Variants in SHLD2 observed in about 807,000 individuals in gnomAD.
SHLD2 encodes shieldin complex subunit 2.
In SHLD2, 30 loss-of-function variants were observed where a neutral mutation model predicts 73.2. That is an observed-to-expected ratio of 0.41 (90% CI 0.31 to 0.56). The LOEUF is 0.56. Ranked by LOEUF, SHLD2 falls within the 20% of genes least tolerant of loss-of-function variation. The probability of loss-of-function intolerance (pLI) is 0.28; values close to 1 mark genes in which losing one functional copy is unlikely to be tolerated. For missense variants in SHLD2, 745 were observed against 1,055.9 expected (o/e 0.71, Z 4.08); for synonymous variants, 285 against 370.1 (o/e 0.77, Z 2.64).
intron 8 of SHLD2, among the ~76,000 whole-genome samples, chr10:87,184,729 C>T (rs2134741235): frequency 6.6e-6 from 1 of 152,208 alleles, no homozygotes; most frequent in Middle Eastern, 3.4e-3. Flanking sequence ...GATTTTTCTC[C>T]TTAGGATGTT....
intron 2 of SHLD2, among the ~76,000 whole-genome samples, chr10:87,109,637 A>G (rs1197177075): frequency 6.6e-6 from 1 of 152,168 alleles, no homozygotes; most frequent in Non-Finnish European, 1.5e-5. Flanking sequence ...ACAGGAGGCA[A>G]AAATTCTAAA....
intron 2 of SHLD2, among the ~76,000 whole-genome samples, chr10:87,122,163 C>T (rs1156342023): frequency 8.1e-6 from 1 of 122,838 alleles, no homozygotes; most frequent in African/African-American, 3.6e-5. Context: ...TGTCTTTCTC[C>T]ACTGACTGTC....
At chr10:87,190,348 C>A in intron 9 of SHLD2, 136 bp from the exon 10 acceptor site, 2 of 781,516 alleles carry the variant, frequency 2.6e-6, no homozygotes, top group Admixed American at 2.1e-5. Flanking sequence ...TGTGAGCCAC[C>A]GCTACTGGAC....
At chr10:87,140,412 C>A (rs1188191035) in intron 2 of SHLD2, among the ~76,000 whole-genome samples, 25 of 136,566 alleles carry the variant, frequency 1.8e-4, no homozygotes, top group African/African-American at 6.9e-4. Flanking sequence ...AGAGTGAGAA[C>A]CTATCTCAAA....
At chr10:87,107,107 A>AG (rs766089390) in intron 2 of SHLD2, among the ~76,000 whole-genome samples, 15 of 146,424 alleles carry the variant, frequency 1.0e-4, no homozygotes, top group African/African-American at 2.3e-4. Flanking sequence ...AAAAAAAAAA[A>AG]AGAGATTTAA....
intron 6 of SHLD2, among the ~76,000 whole-genome samples, chr10:87,175,065 C>T (rs1589647692): frequency 6.7e-6 from 1 of 149,066 alleles, no homozygotes; most frequent in Non-Finnish European, 1.5e-5. Flanking sequence ...TGCAGTGAGC[C>T]GAGATTGCGC....
chr10:87,187,967 G>A (rs1459288897), intron 9 of SHLD2, among the ~76,000 whole-genome samples: 1 of 152,058 alleles, frequency 6.6e-6, no homozygotes, highest in African/African-American at 2.4e-5. Context: ...TGTGCTTATG[G>A]TGGGAAGTGG....
intron 7 of SHLD2, among the ~76,000 whole-genome samples, chr10:87,178,648 T>C (rs1223154429): frequency 6.6e-6 from 1 of 151,170 alleles, no homozygotes; most frequent in Non-Finnish European, 1.5e-5. Context: ...CCCAGGGAGG[T>C]TGAGACTGCA....
chr10:87,157,710 C>A (rs950928975), intron 3 of SHLD2, among the ~76,000 whole-genome samples: 5 of 152,148 alleles, frequency 3.3e-5, no homozygotes, highest in Non-Finnish European at 5.9e-5. Flanking sequence ...CACTACTTTG[C>A]CTTCTGGTCC....
At chr10:87,097,642 G>A (rs564772734) in intron 2 of SHLD2, among the ~76,000 whole-genome samples, 1 of 152,298 alleles carries the variant, frequency 6.6e-6, no homozygotes, top group South Asian at 2.1e-4. Flanking sequence ...GAGGAATAGA[G>A]CTGTGGAAAT....
intron 2 of SHLD2, among the ~76,000 whole-genome samples, chr10:87,126,726 A>G (rs1844036335): frequency 6.6e-6 from 1 of 152,164 alleles, no homozygotes; most frequent in South Asian, 2.1e-4. Flanking sequence ...TCCGTGGAAT[A>G]GCTGCGTACA....
chr10:87,116,773 C>A (rs1281455805), intron 2 of SHLD2, among the ~76,000 whole-genome samples: 1 of 152,214 alleles, frequency 6.6e-6, no homozygotes, highest in Non-Finnish European at 1.5e-5. Context: ...TCCTCCTTCT[C>A]TCAGGGCTCA....
intron 2 of SHLD2, among the ~76,000 whole-genome samples, chr10:87,127,524 T>TCC (rs1844092990): frequency 5.2e-5 from 3 of 57,190 alleles, no homozygotes; most frequent in African/African-American, 2.9e-4. Flanking sequence ...TTGTCCCTCT[T>TCC]ACCCGCCCCC....
At chr10:87,128,853 T>C (rs1328716876) in intron 2 of SHLD2, among the ~76,000 whole-genome samples, 2 of 152,166 alleles carry the variant, frequency 1.3e-5, no homozygotes, top group Non-Finnish European at 2.9e-5. Flanking sequence ...GTTTTTTTGT[T>C]GTTGTTTTTG....
At chr10:87,097,903 G>A (rs1484997350) in intron 2 of SHLD2, among the ~76,000 whole-genome samples, 1 of 151,870 alleles carries the variant, frequency 6.6e-6, no homozygotes, top group Non-Finnish European at 1.5e-5. Flanking sequence ...GGGATTACAG[G>A]CGCCCGCCAC....
At chr10:87,107,107 A>AAAAAAAAG (rs56386341) in intron 2 of SHLD2, among the ~76,000 whole-genome samples, 9,412 of 146,004 alleles carry the variant, frequency 0.064, 447 homozygotes, top group Non-Finnish European at 0.088. Flanking sequence ...AAAAAAAAAA[A>AAAAAAAAG]AGAGATTTAA....
intron 4 of SHLD2, among the ~76,000 whole-genome samples, chr10:87,165,649 T>C (rs1233010223): frequency 2.6e-5 from 4 of 152,158 alleles, no homozygotes; most frequent in Non-Finnish European, 5.9e-5. Context: ...GAAACTCTTA[T>C]AGACTAGAGG....
chr10:87,098,311 C>T (rs1241455953), intron 2 of SHLD2, among the ~76,000 whole-genome samples: 3 of 151,602 alleles, frequency 2.0e-5, no homozygotes, highest in Admixed American at 6.6e-5. Flanking sequence ...GTTGGGAGTT[C>T]GAGACCAGCC....
intron 6 of SHLD2, among the ~76,000 whole-genome samples, chr10:87,173,929 A>G (rs1239902953): frequency 1.3e-5 from 2 of 152,230 alleles, no homozygotes; most frequent in African/African-American, 4.8e-5. Flanking sequence ...TAATGATGAT[A>G]GATGATTTTT....
Sources: gnomAD v4.1 joint callset for allele counts (sites outside exome capture counted in the v4.1 genomes callset) on GRCh38, gnomAD v4.1.1 for gene constraint, MANE v1.5 for transcripts, NCBI Gene and HGNC (gene_info 2026-07-23, HGNC 2026-07-21) for gene names.